The following ACTN4 variants were observed in gnomAD, a reference collection of about 807,000 sequenced individuals.
ACTN4 encodes the protein actinin alpha 4.
A neutral mutation model predicts 114.2 loss-of-function variants in ACTN4; 18 were observed. That is an observed-to-expected ratio of 0.16 (90% CI 0.11 to 0.23). The LOEUF is 0.23. Among genes scored for constraint, ACTN4 ranks in the 10% least tolerant of loss-of-function variants. The pLI is 1.00. For synonymous variants in ACTN4, 515 were observed against 506.3 expected (o/e 1.02, Z -0.23); for missense variants, 722 against 1,262.9 (o/e 0.57, Z 6.49).
At chr19:38,673,608 CATTTATATTT>C (rs1967243160) in intron 1 of ACTN4, among the ~76,000 whole-genome samples, 1 of 38,434 alleles carries the variant, frequency 2.6e-5, no homozygotes, top group Non-Finnish European at 6.1e-5. Flanking sequence ...CATATATATT[CATTTATATTT>C]ATATATATTC....
intron 8 of ACTN4, chr19:38,710,739 T>G: frequency 2.9e-6 from 1 of 341,084 alleles, no homozygotes; most frequent in Non-Finnish European, 5.8e-6. Context: ...AGTGAGCAGG[T>G]ACTTGCAGCA....
intron 1 of ACTN4, among the ~76,000 whole-genome samples, chr19:38,696,084 A>C (rs1389675363): frequency 6.6e-6 from 1 of 152,152 alleles, no homozygotes. Flanking sequence ...TAAGTGACCA[A>C]GTGCCTCGAG....
At chr19:38,677,246 C>T (rs1169152178) in intron 1 of ACTN4, among the ~76,000 whole-genome samples, 2 of 152,160 alleles carry the variant, frequency 1.3e-5, no homozygotes, top group East Asian at 1.9e-4. Context: ...CTCTCCCTCT[C>T]GAGGGTCACG....
intron 3 of ACTN4, among the ~76,000 whole-genome samples, chr19:38,701,975 A>G (rs553593350): frequency 5.9e-5 from 9 of 152,346 alleles, no homozygotes; most frequent in Admixed American, 1.3e-4. Flanking sequence ...GCCCCGGCCC[A>G]GGACCTCTGC....
rs763615967 is a variant in ACTN4, at chr19:38,721,592, T to A, written c.1346T>A (p.Ile449Asn). ...TACGAGACGGCCACACTATCGGACATCAAAGCCCTCATTCGCAAGCACGAG... is the reference window on the plus strand; with the variant it reads ...TACGAGACGGCCACACTATCGGACAACAAAGCCCTCATTCGCAAGCACGAG... ...RDYETATLSDIKALIRKHEAF... is the reference protein window; with the variant it reads ...RDYETATLSDNKALIRKHEAF... Residue 449 changes from isoleucine (I) to asparagine (N), a missense_variant, in exon 12 of 21, where the codon ATC becomes AAC. Physicochemically the swap from Ile to Asn is moderately radical, Grantham distance 149 (BLOSUM62 -3). Around this residue, in one of 3 missense-constraint regions of ACTN4, gnomAD observed 523 missense variants for 875.9 expected, o/e 0.60. Coordinates refer to ENST00000252699, the MANE Select transcript of ACTN4 (RefSeq NM_004924.6). The A allele has an allele frequency of 6.2e-7, 1 of 1,614,068 alleles. No homozygotes were observed. The highest frequency in any genetic ancestry group is 1.7e-5 in the Admixed American group (1 of 60,034).
intron 1 of ACTN4, among the ~76,000 whole-genome samples, chr19:38,697,379 G>A (rs531007400): frequency 1.3e-5 from 2 of 152,370 alleles, no homozygotes; most frequent in Admixed American, 6.5e-5. Flanking sequence ...GCACACACAT[G>A]CGTGTGATTC....
chr19:38,698,919 A>G (rs1459407886), intron 1 of ACTN4, among the ~76,000 whole-genome samples: 2 of 152,176 alleles, frequency 1.3e-5, no homozygotes, highest in South Asian at 2.1e-4. Flanking sequence ...GTCAAAACAC[A>G]TGGTGCTTGG....
intron 3 of ACTN4, among the ~76,000 whole-genome samples, chr19:38,702,627 C>T (rs1025241459): frequency 2.0e-5 from 3 of 152,192 alleles, no homozygotes; most frequent in Non-Finnish European, 2.9e-5. Context: ...TCCTGAGGCT[C>T]GAGCTGCCTC....
Position 38,717,718 on chromosome 19 carries a change from G to C in ACTN4, c.1144-209G>C, listed in dbSNP as rs1385713922. Among the ~76,000 whole-genome samples, 1 of 152,196 alleles carries C rather than the reference G, an allele frequency of 6.6e-6. No homozygotes were observed. The highest frequency in any genetic ancestry group is 6.5e-5 in the Admixed American group (1 of 15,286). Reference sequence around the variant, plus strand: ...CATCCATTCATTCATGCACTCACCCGTTCACGCATTCATTTTGTTAATCCA... The same window carrying C: ...CATCCATTCATTCATGCACTCACCCCTTCACGCATTCATTTTGTTAATCCA... On this transcript the variant is annotated intron_variant, in intron 10 of 20. Coordinates refer to ENST00000252699, the MANE Select transcript of ACTN4 (RefSeq NM_004924.6). This position sits in a 1 kb window ranked among gnomAD's most constrained non-coding sequence, Gnocchi z 4.0.
chr19:38,724,676 G>A lies in ACTN4; in HGVS notation c.2010+111G>A. ...CAGACTGAGGCGCCTGGCAGAGCAG[G>A]TCCCAATTCTCACCACCCAGGGGCC... On this transcript the variant is annotated intron_variant, in intron 16 of 20. Coordinates refer to ENST00000252699, the MANE Select transcript of ACTN4 (RefSeq NM_004924.6). This position sits in a 1 kb window ranked among gnomAD's most constrained non-coding sequence, Gnocchi z 7.0. The A allele has an allele frequency of 5.1e-6, 8 of 1,554,568 alleles. No individual in the cohort carries two copies. The highest frequency in any genetic ancestry group is 7.0e-6 in the Non-Finnish European group (8 of 1,142,112).
intron 1 of ACTN4, among the ~76,000 whole-genome samples, chr19:38,671,102 G>T (rs558498277): frequency 7.9e-5 from 12 of 152,064 alleles, no homozygotes; most frequent in Non-Finnish European, 1.6e-4. Context: ...CGAGAAAATT[G>T]TACTTTGCCC....
At chr19:38,687,753 A>T (rs1967793924) in intron 1 of ACTN4, among the ~76,000 whole-genome samples, 1 of 152,254 alleles carries the variant, frequency 6.6e-6, no homozygotes, top group African/African-American at 2.4e-5. Context: ...CAGCAGAAAC[A>T]CAACCGAAGA....
intron 1 of ACTN4, among the ~76,000 whole-genome samples, chr19:38,684,722 TC>T (rs2056197882): frequency 6.6e-6 from 1 of 152,214 alleles, no homozygotes; most frequent in Non-Finnish European, 1.5e-5. Context: ...CTATAATTAC[TC>T]TTTGGCTATA....
chr19:38,711,180 C>T, intron 8 of ACTN4: 1 of 526,966 alleles, frequency 1.9e-6, no homozygotes, highest in Non-Finnish European at 2.4e-6. Context: ...AGCAAGTGCT[C>T]TTCCTCCTGC....
At chr19:38,711,652 A>C (rs1968656924) in intron 8 of ACTN4, among the ~76,000 whole-genome samples, 1 of 152,182 alleles carries the variant, frequency 6.6e-6, no homozygotes, top group Admixed American at 6.5e-5. Context: ...GAAGCCCTGC[A>C]TTACAGTCAA....
intron 8 of ACTN4, among the ~76,000 whole-genome samples, chr19:38,712,775 C>G (rs979616980): frequency 1.3e-5 from 2 of 152,216 alleles, no homozygotes; most frequent in African/African-American, 4.8e-5. Flanking sequence ...AACCAGCCCC[C>G]TGCCCACCAC....
At chr19:38,696,594 A>C (rs1968100954) in intron 1 of ACTN4, among the ~76,000 whole-genome samples, 1 of 152,224 alleles carries the variant, frequency 6.6e-6, no homozygotes, top group Non-Finnish European at 1.5e-5. Flanking sequence ...CGCATGGAGA[A>C]GTGGCCGTCA....
chr19:38,724,344 G>A lies in ACTN4; in HGVS notation c.1875+5G>A, dbSNP rs756015591. On this transcript the variant is annotated splice_donor_5th_base_variant and intron_variant, in intron 15 of 20. Transcript: ENST00000252699. The surrounding 1 kb of genome is among the most constrained non-coding windows in gnomAD (Gnocchi z 7.0). ...ATCAACTCCAAGTGGGAGAAGGTGG[G>A]CCGGGGCCATCCGTAGGGGCTGGGG... 4.3e-6 allele frequency: 7 copies of A among 1,613,348 alleles called. No homozygotes were observed. In the East Asian group the frequency reaches 1.3e-4, roughly 31 times the overall value.
intron 4 of ACTN4, 77 bp from the exon 5 acceptor site, chr19:38,705,967 A>G: frequency 6.7e-7 from 1 of 1,500,914 alleles, no homozygotes; most frequent in African/African-American, 1.4e-5. Flanking sequence ...GCCTGAGCCG[A>G]AAGTCCCATC....
Sources: gnomAD v4.1 joint callset for allele counts (sites outside exome capture counted in the v4.1 genomes callset) on GRCh38, gnomAD v4.1.1 for gene constraint, gnomAD v4.1.1 regional missense constraint, Gnocchi (gnomAD v3.1) non-coding constraint, MANE v1.5 for transcripts, NCBI Gene and HGNC (gene_info 2026-07-23, HGNC 2026-07-21) for gene names.